Variants in SFXN2 observed in about 807,000 individuals in gnomAD.
SFXN2 encodes sideroflexin 2, also known as sideroflexin-2.
Under a neutral mutation model 41.9 loss-of-function variants are expected in SFXN2, and 37 were observed. That is an observed-to-expected ratio of 0.88 (90% confidence interval 0.68 to 1.16). The LOEUF (loss-of-function observed/expected upper bound fraction) is 1.16, where lower values mean the gene tolerates loss of function less well. SFXN2 is among the 50% of genes most tolerant of loss of function. The pLI is 0.00. For synonymous variants in SFXN2, 150 were observed against 156.7 expected (o/e 0.96, Z 0.32); for missense variants, 386 against 425.2 (o/e 0.91, Z 0.81).
rs760820960 is a variant in SFXN2, at chr10:102,729,713, C to A, written c.508-10C>A. ...TCTGAACAACTCCTACTGTTCTCTTCCCCCAACAGAAAGCGCCGCCCTTGG... is the reference window on the plus strand; with the variant it reads ...TCTGAACAACTCCTACTGTTCTCTTACCCCAACAGAAAGCGCCGCCCTTGG... On this transcript the variant is annotated splice_polypyrimidine_tract_variant and intron_variant, in intron 5 of 11. Transcript: ENST00000369893. 6.2e-7 allele frequency: 1 copy of A among 1,613,628 alleles called. No individual in the cohort carries two copies. Among genetic ancestry groups the A allele is most frequent in the Non-Finnish European group, 8.5e-7 (1 of 1,179,890 alleles).
At position 102,729,720 on chromosome 10, in the gene SFXN2, C is replaced by T. The variant is rs766728326; in HGVS notation, c.508-3C>T. On this transcript the variant is annotated splice_region_variant and splice_polypyrimidine_tract_variant and intron_variant, in intron 5 of 11. Coordinates refer to ENST00000369893, the MANE Select transcript of SFXN2 (RefSeq NM_178858.6). ...AACTCCTACTGTTCTCTTCCCCCAACAGAAAGCGCCGCCCTTGGTGGGCCG... is the reference window on the plus strand; with the variant it reads ...AACTCCTACTGTTCTCTTCCCCCAATAGAAAGCGCCGCCCTTGGTGGGCCG... 1.3e-4 allele frequency: 210 copies of T among 1,613,796 alleles called. No homozygotes were observed. Among genetic ancestry groups the T allele is most frequent in the Non-Finnish European group, 1.7e-4 (200 of 1,180,024 alleles).
chr10:102,736,121 C>G (rs1266240794), intron 11 of SFXN2, among the ~76,000 whole-genome samples: 1 of 152,008 alleles, frequency 6.6e-6, no homozygotes, highest in Non-Finnish European at 1.5e-5. Context: ...AAGCCAGGGA[C>G]AGGAATAAGG....
chr10:102,718,918 C>CTTTTTTTTTTTTTTTTTTTT (rs34471332), intron 1 of SFXN2, among the ~76,000 whole-genome samples: 1 of 74,302 alleles, frequency 1.3e-5, no homozygotes, highest in Non-Finnish European at 2.4e-5. Flanking sequence ...TTCTCGGCTT[C>CTTTTTTTTTTTTTTTTTTTT]TTTTTTTTTT....
chr10:102,714,671 C>CCCG lies in SFXN2; in HGVS notation c.-35_-33dup, dbSNP rs2064377972. The stretch of plus-strand genomic sequence containing the variant: ...GCGGGCTGTAACTGGTGGCATTTGT[C>CCCG]CCGGGACCAGGTAAGGGGCCTTGGG... On this transcript the variant is annotated 5_prime_UTR_variant, in exon 1 of 12. Coordinates refer to ENST00000369893, the MANE Select transcript of SFXN2 (RefSeq NM_178858.6). 1 of 241,242 alleles carries CCCG rather than the reference C, an allele frequency of 4.1e-6. No individual in the cohort carries two copies. The highest frequency in any genetic ancestry group is 7.9e-6 in the Non-Finnish European group (1 of 127,012). The allele number at this position is 241,242 out of a possible 1,614,324, so 14.9% of individuals were successfully genotyped here.
In SFXN2 at chr10:102,728,422, C is replaced by T; in HGVS notation, c.333-9C>T. 1 of 1,613,844 alleles carries T rather than the reference C, an allele frequency of 6.2e-7. No individual in the cohort carries two copies. The highest frequency in any genetic ancestry group is 8.5e-7 in the Non-Finnish European group (1 of 1,179,724). On this transcript the variant is annotated splice_polypyrimidine_tract_variant and intron_variant, in intron 3 of 11. Transcript: ENST00000369893. ...TCTCTCTGCCTCTCCTGGCCTTCCT[C>T]ACTGGTAGGACGATGCCGGCGGTGA...
intron 1 of SFXN2, among the ~76,000 whole-genome samples, chr10:102,725,470 C>G (rs1025978294): frequency 2.0e-5 from 3 of 152,138 alleles, no homozygotes; most frequent in African/African-American, 7.2e-5. Context: ...GCCTGTAGTC[C>G]CAGCTACTTG....
intron 1 of SFXN2, among the ~76,000 whole-genome samples, chr10:102,717,225 G>A (rs931939874): frequency 4.2e-5 from 6 of 144,358 alleles, no homozygotes; most frequent in East Asian, 2.1e-4. Flanking sequence ...TCCGCCTCCC[G>A]GGTTCAAGCG....
At position 102,731,698 on chromosome 10, in the gene SFXN2, T is replaced by C. The variant is rs777842677; in HGVS notation, c.594-25T>C. ...AGGCTTCCATCACCCCTTTCCCAAGTCCATTAACTCCTGTCTGTGTTTAGG... is the reference window on the plus strand; with the variant it reads ...AGGCTTCCATCACCCCTTTCCCAAGCCCATTAACTCCTGTCTGTGTTTAGG... On this transcript the variant is annotated intron_variant, in intron 6 of 11. Transcript: ENST00000369893. The C allele has an allele frequency of 4.4e-6, 7 of 1,607,708 alleles. No individual in the cohort carries two copies. The South Asian group carries it at 6.6e-5, about 15-fold the overall frequency.
chr10:102,731,060 CCT>C (rs2064695548), intron 6 of SFXN2, among the ~76,000 whole-genome samples: 1 of 151,766 alleles, frequency 6.6e-6, no homozygotes, highest in African/African-American at 2.4e-5. Flanking sequence ...TGCACTCCAG[CCT>C]GGGTGACAGA....
chr10:102,731,897 C>T (rs1259737379), intron 7 of SFXN2, 114 bp downstream of exon 7: 4 of 919,744 alleles, frequency 4.3e-6, no homozygotes, highest in Middle Eastern at 2.3e-4. Context: ...TTTCTGGCTC[C>T]ATCCTCACTC....
At chr10:102,732,038 C>A in intron 7 of SFXN2, 114 bp from the exon 8 acceptor site, 1 of 1,048,702 alleles carries the variant, frequency 9.5e-7, no homozygotes, top group Non-Finnish European at 1.4e-6. Flanking sequence ...CTGGAGGGTC[C>A]TTCCCTTCCC....
At chr10:102,735,066 G>C (rs2064755569) in intron 10 of SFXN2, among the ~76,000 whole-genome samples, 1 of 118,718 alleles carries the variant, frequency 8.4e-6, no homozygotes, top group Non-Finnish European at 1.8e-5. Context: ...CCCCTCCATA[G>C]TGCCCCTCCC....
Position 102,729,395 on chromosome 10 carries a change from G to T in SFXN2, c.507+1G>T, listed in dbSNP as rs1455646836. 1.9e-6 allele frequency: 3 copies of T among 1,613,974 alleles called. No individual in the cohort carries two copies. The highest frequency in any genetic ancestry group is 2.7e-5 in the African/African-American group (2 of 74,948). ...TGTGGGCATGAACATGTTGACAAAGGTATGGTCTGGGGCCGCTGCAGCATG... is the reference window on the plus strand; with the variant it reads ...TGTGGGCATGAACATGTTGACAAAGTTATGGTCTGGGGCCGCTGCAGCATG... On this transcript the variant is annotated splice_donor_variant, in intron 5 of 11. Transcript: ENST00000369893. LOFTEE classifies it high-confidence loss of function.
intron 11 of SFXN2, among the ~76,000 whole-genome samples, chr10:102,736,139 C>T (rs2064774776): frequency 1.3e-5 from 2 of 152,126 alleles, no homozygotes; most frequent in African/African-American, 4.8e-5. Context: ...AGGTTGCTCC[C>T]TCCCAGTGGA....
At position 102,732,968 on chromosome 10, in the gene SFXN2, C is replaced by G. The variant is rs182898679; in HGVS notation, c.771+60C>G. ...AGAGTGCGTCCAGCCACATCTGTCC[C>G]TAGGGATACCTGACCTGCCCTCCCC... is the stretch of plus-strand genomic sequence containing the variant. On this transcript the variant is annotated intron_variant, in intron 9 of 11. Coordinates refer to ENST00000369893, the MANE Select transcript of SFXN2 (RefSeq NM_178858.6). 237 of 1,563,218 alleles carry G rather than the reference C, an allele frequency of 1.5e-4. No individual in the cohort carries two copies. In the African/African-American group the frequency reaches 2.8e-3, roughly 18 times the overall value.
intron 1 of SFXN2, among the ~76,000 whole-genome samples, chr10:102,718,080 T>C (rs1311310035): frequency 2.6e-5 from 4 of 152,224 alleles, no homozygotes; most frequent in African/African-American, 9.6e-5. Context: ...AGTGTTTTTT[T>C]TGTTTTGTTT....
At chr10:102,717,824 G>A in intron 1 of SFXN2, 1 of 983,170 alleles carries the variant, frequency 1.0e-6, no homozygotes, top group Non-Finnish European at 1.2e-6. Context: ...ACATGTAGCA[G>A]TAAACATCAC....
At position 102,739,565 on chromosome 10, in the gene SFXN2, C is replaced by T. The variant is rs181944949; in HGVS notation, c.*1803C>T. The T allele has an allele frequency of 3.2e-4, 48 of 152,356 alleles. 1 individual carries two copies. The highest frequency in any genetic ancestry group is 1.6e-3 in the Admixed American group (24 of 15,300). The allele number at this position is 152,356 out of a possible 1,614,324, so 9.4% of individuals were successfully genotyped here. A position where few individuals can be genotyped will look rare whatever the true frequency, so the allele number is the denominator to read the frequency against. ...TGGCATACAAAGCCTAAAATATTTACTGTCTGATCCTTGACACAAAAAGTT... is the reference window on the plus strand; with the variant it reads ...TGGCATACAAAGCCTAAAATATTTATTGTCTGATCCTTGACACAAAAAGTT... On this transcript the variant is annotated 3_prime_UTR_variant, in exon 12 of 12. Transcript: ENST00000369893.
chr10:102,737,605 A>T, intron 11 of SFXN2, 58 bp from the exon 12 acceptor site: 1 of 1,116,700 alleles, frequency 9.0e-7, no homozygotes, highest in Non-Finnish European at 1.4e-6. Flanking sequence ...TATTCATCTG[A>T]GGGTAACTTA....
Sources: gnomAD v4.1 joint callset for allele counts (sites outside exome capture counted in the v4.1 genomes callset) on GRCh38, gnomAD v4.1.1 for gene constraint, MANE v1.5 for transcripts, NCBI Gene and HGNC (gene_info 2026-07-23, HGNC 2026-07-21) for gene names.